MTTP: variants seen among roughly 807,000 people sequenced by gnomAD.
The protein encoded by MTTP is microsomal triglyceride transfer protein, also known as microsomal triglyceride transfer protein large subunit.
Under a neutral mutation model 90.6 loss-of-function variants are expected in MTTP, and 49 were observed. The ratio of observed to expected loss-of-function variants is 0.54; its 90% CI spans 0.43 to 0.69. The LOEUF is 0.69. MTTP is among the 30% of genes least tolerant of loss of function. MTTP has a pLI of 0.00. For synonymous variants in MTTP, 347 were observed against 384.2 expected (o/e 0.90, Z 1.13); for missense variants, 945 against 1,067.5 (o/e 0.89, Z 1.60).
In MTTP at chr4:99,608,752, C is replaced by A; in HGVS notation, c.1558-14C>A. On this transcript the variant is annotated splice_polypyrimidine_tract_variant and intron_variant, in intron 11 of 17. Transcript: ENST00000265517. The stretch of plus-strand genomic sequence containing the variant: ...AATCTAGATGTGCACTAAGTTTGAA[C>A]ATCTTATGAACAGGTGAAGAAGACC... 1 of 1,602,446 alleles carries A rather than the reference C, an allele frequency of 6.2e-7. No individual in the cohort carries two copies. The highest frequency in any genetic ancestry group is 8.6e-7 in the Non-Finnish European group (1 of 1,169,460).
intron 8 of MTTP, among the ~76,000 whole-genome samples, chr4:99,598,187 AAAAT>A (rs1281924826): frequency 4.6e-5 from 7 of 152,238 alleles, no homozygotes; most frequent in Non-Finnish European, 1.0e-4. Flanking sequence ...ATTCTCTTCA[AAAAT>A]AAATAAACCA....
intron 10 of MTTP, 110 bp downstream of exon 10, chr4:99,601,824 T>G: frequency 1.2e-6 from 1 of 853,834 alleles, no homozygotes; most frequent in Non-Finnish European, 2.0e-6. Flanking sequence ...TCTATTCTAC[T>G]TACCTTATTT....
intron 11 of MTTP, among the ~76,000 whole-genome samples, chr4:99,607,385 C>T (rs1474451865): frequency 2.0e-5 from 3 of 152,092 alleles, no homozygotes; most frequent in Non-Finnish European, 4.4e-5. Flanking sequence ...AACCATCTGC[C>T]GAGAATGGTG....
intron 16 of MTTP, among the ~76,000 whole-genome samples, chr4:99,620,567 G>A (rs1241233511): frequency 6.6e-6 from 1 of 152,140 alleles, no homozygotes; most frequent in African/African-American, 2.4e-5. Context: ...TGGCAATCAA[G>A]GGCTTACGCC....
chr4:99,579,074 C>T (rs551918330), intron 1 of MTTP, among the ~76,000 whole-genome samples: 1 of 152,346 alleles, frequency 6.6e-6, no homozygotes, highest in South Asian at 2.1e-4. Context: ...TCCTGACTCT[C>T]TTTGCCTTCT....
chr4:99,583,448 T>G lies in MTTP; in HGVS notation c.324T>G (p.Ser108=). Residue 108 remains serine (S), a synonymous_variant, in exon 3 of 18, where the codon TCT becomes TCG. Transcript: ENST00000265517. ...EKSIFKGKSP[S]KIMGKENLEA... Reference sequence around the variant, plus strand: ...GCATCTTCAAAGGAAAAAGCCCATCTAAAATAATGGGAAAGGAAAACTTGG... The same window carrying G: ...GCATCTTCAAAGGAAAAAGCCCATCGAAAATAATGGGAAAGGAAAACTTGG... 6.2e-7 allele frequency: 1 copy of G among 1,613,620 alleles called. No individual in the cohort carries two copies. Among genetic ancestry groups the G allele is most frequent in the Non-Finnish European group, 8.5e-7 (1 of 1,179,774 alleles).
At chr4:99,606,167 G>A (rs1183461522) in intron 10 of MTTP, among the ~76,000 whole-genome samples, 1 of 152,058 alleles carries the variant, frequency 6.6e-6, no homozygotes, top group Non-Finnish European at 1.5e-5. Context: ...TAGGACAAAA[G>A]GACTTTTCTG....
intron 11 of MTTP, among the ~76,000 whole-genome samples, 195 bp from the exon 12 acceptor site, chr4:99,608,571 A>C (rs1725875441): frequency 1.3e-5 from 2 of 152,238 alleles, no homozygotes; most frequent in Non-Finnish European, 2.9e-5. Context: ...CTCAGCCTAG[A>C]AGTGATCCTC....
At chr4:99,565,255 G>T (rs1724647748) in intron 1 of MTTP, among the ~76,000 whole-genome samples, 1 of 152,080 alleles carries the variant, frequency 6.6e-6, no homozygotes, top group Non-Finnish European at 1.5e-5. Flanking sequence ...AGTTTTTTCA[G>T]AGTTAATACC....
At chr4:99,578,313 C>CA (rs1405030743) in intron 1 of MTTP, among the ~76,000 whole-genome samples, 1 of 152,126 alleles carries the variant, frequency 6.6e-6, no homozygotes, top group Non-Finnish European at 1.5e-5. Flanking sequence ...CAACAGTTAT[C>CA]AAAAAATATT....
chr4:99,611,289 T>C, intron 13 of MTTP, 43 bp from the exon 14 acceptor site: 1 of 1,613,938 alleles, frequency 6.2e-7, no homozygotes, highest in African/African-American at 1.3e-5. Context: ...CAACTTAGCA[T>C]TGCTGGAACT....
Position 99,597,073 on chromosome 4 carries a change from G to A in MTTP, c.916G>A (p.Glu306Lys), listed in dbSNP as rs750312584. Residue 306 changes from glutamate to lysine, a missense_variant, in exon 8 of 18, where the codon GAG becomes AAG. Coordinates refer to ENST00000265517, the MANE Select transcript of MTTP (RefSeq NM_001386140.1). ...SHCKGCPSLS[E>K]LWRSTRKYLQ... ...TGCAGTGTATGTTTTGCAGCTCTCG[G>A]AGCTCTGGCGGTCCACCAGGAAATA... The A allele has an allele frequency of 1.9e-6, 3 of 1,613,866 alleles. No individual in the cohort carries two copies. The highest frequency in any genetic ancestry group is 2.5e-6 in the Non-Finnish European group (3 of 1,179,898).
Position 99,600,609 on chromosome 4 carries a change from C to T in MTTP, c.1112C>T (p.Ser371Leu). The change falls in exon 9 of 18, where the codon TCA becomes TTA. Residue 371 changes from serine (S) to leucine (L), a missense_variant. Ser to Leu is a moderately radical substitution (Grantham distance 145). Transcript: ENST00000265517. The part of the protein sequence containing the change: ...DAVTSAQTSD[S>L]LEAILDFLDF... ...GTCACCTCTGCTCAGACCTCAGACT[C>T]ATTAGAAGCCATTTTGGACTTTTTG... The T allele has an allele frequency of 6.2e-7, 1 of 1,613,748 alleles. No homozygotes were observed. Among genetic ancestry groups the T allele is most frequent in the Non-Finnish European group, 8.5e-7 (1 of 1,179,796 alleles).
At chr4:99,607,928 C>T (rs7698547) in intron 11 of MTTP, among the ~76,000 whole-genome samples, 15,858 of 151,816 alleles carry the variant, frequency 0.1, 995 homozygotes, top group Middle Eastern at 0.2. Flanking sequence ...ACTTTCCACT[C>T]AATTTTGCTG....
At chr4:99,604,058 A>G (rs1291560535) in intron 10 of MTTP, among the ~76,000 whole-genome samples, 2 of 152,154 alleles carry the variant, frequency 1.3e-5, no homozygotes, top group African/African-American at 4.8e-5. Flanking sequence ...TGAATTTACT[A>G]CAGAAGAACT....
chr4:99,569,059 A>G (rs1176716213), intron 1 of MTTP, among the ~76,000 whole-genome samples: 1 of 152,190 alleles, frequency 6.6e-6, no homozygotes, highest in Non-Finnish European at 1.5e-5. Context: ...AAGAAAAACA[A>G]TTAACTTTAC....
chr4:99,597,298 A>C, intron 8 of MTTP, 74 bp downstream of exon 8: 1 of 1,565,270 alleles, frequency 6.4e-7, no homozygotes, highest in Non-Finnish European at 8.7e-7. Flanking sequence ...GAAGTAAGAA[A>C]GACCCCTTTT....
In MTTP at chr4:99,600,877, T is replaced by C. The variant is rs773407364; in HGVS notation, c.1236+144T>C. ...CATATTCAAATTGGGGTATTTTCTA[T>C]CCACTAATTATTAACTGTATAATAA... On this transcript the variant is annotated intron_variant, in intron 9 of 17. Coordinates refer to ENST00000265517, the MANE Select transcript of MTTP (RefSeq NM_001386140.1). 7.4e-4 allele frequency: 590 copies of C among 795,422 alleles called. 2 individuals are homozygous for C. Among genetic ancestry groups the C allele is most frequent in the Non-Finnish European group, 7.9e-4 (406 of 511,238 alleles). The allele number at this position is 795,422 out of a possible 1,614,324, so 49.3% of individuals were successfully genotyped here. A position where few individuals can be genotyped will look rare whatever the true frequency, so the allele number is the denominator to read the frequency against.
At chr4:99,573,651 G>A (rs1724888233), upstream of MTTP, among the ~76,000 whole-genome samples, 1 of 152,074 alleles carries the variant, frequency 6.6e-6, no homozygotes, top group Non-Finnish European at 1.5e-5. Flanking sequence ...ATTGCATTGT[G>A]TCTGTATCAA....
Sources: allele counts gnomAD v4.1 joint callset (sites outside exome capture counted in the v4.1 genomes callset), GRCh38; gene constraint gnomAD v4.1.1; transcripts MANE v1.5; gene names NCBI Gene and HGNC (gene_info 2026-07-23, HGNC 2026-07-21).